GDPD4: variants seen among roughly 807,000 people sequenced by gnomAD.
GDPD4 encodes the protein glycerophosphodiester phosphodiesterase 6.
Under a neutral mutation model 67.8 loss-of-function variants are expected in GDPD4, and 60 were observed. That is an observed-to-expected ratio of 0.88 (90% CI 0.72 to 1.10). The LOEUF is 1.10. Ranked by LOEUF, GDPD4 falls within the 50% of genes least tolerant of loss-of-function variation. The probability of loss-of-function intolerance (pLI) is 0.00; values close to 1 mark genes in which losing one functional copy is unlikely to be tolerated. For missense variants in GDPD4, 623 were observed against 613.9 expected (o/e 1.01, Z -0.16); for synonymous variants, 212 against 210.9 (o/e 1.00, Z -0.04).
intron 3 of GDPD4, among the ~76,000 whole-genome samples, chr11:77,284,834 A>C (rs550940458): frequency 7.2e-5 from 11 of 152,340 alleles, no homozygotes; most frequent in African/African-American, 2.6e-4. Context: ...TGGAAGCATG[A>C]AAGCTTCCTA....
chr11:77,243,675 G>A lies in GDPD4; in HGVS notation c.1241+19C>T. 6.3e-7 allele frequency: 1 copy of A among 1,598,372 alleles called. No homozygotes were observed. ...AAGTAAGGCAATATGTGCCAAGAGA[G>A]GTGTGGTCAAACACTTACCTTAACC... On this transcript the variant is annotated intron_variant, in intron 13 of 16. Coordinates refer to ENST00000315938, the MANE Select transcript of GDPD4 (RefSeq NM_182833.3).
chr11:77,237,908 G>A (rs1958595269), intron 13 of GDPD4, among the ~76,000 whole-genome samples: 1 of 152,078 alleles, frequency 6.6e-6, no homozygotes, highest in Non-Finnish European at 1.5e-5. Flanking sequence ...GTGACAGAGT[G>A]AGACCCTATC....
At chr11:77,284,053 T>A (rs1335607929) in intron 3 of GDPD4, among the ~76,000 whole-genome samples, 2 of 152,210 alleles carry the variant, frequency 1.3e-5, no homozygotes, top group East Asian at 3.9e-4. Flanking sequence ...TAACAACGTT[T>A]ATTCTTCTTG....
rs758925038 is a variant in GDPD4, at chr11:77,279,339, A to G, written c.114T>C (p.Ala38=). 3 of 1,612,556 alleles carry G rather than the reference A, an allele frequency of 1.9e-6. No individual in the cohort carries two copies. The Admixed American group carries it at 5.0e-5, about 27-fold the overall frequency. The change falls in exon 4 of 17, where the codon GCT becomes GCC. Residue 38 remains alanine, a synonymous_variant. Coordinates refer to ENST00000315938, the MANE Select transcript of GDPD4 (RefSeq NM_182833.3). The stretch of plus-strand genomic sequence containing the variant: ...ATGAAGAGTAGGCAGTCAGGATCCT[A>G]GCTAAACTCAGAATAAAAATAGACC... The part of the protein sequence containing the change: ...FFWSIFILSL[A]RILTAYSSLL...
chr11:77,236,751 CA>C (rs1958577029), intron 13 of GDPD4, among the ~76,000 whole-genome samples: 1 of 151,968 alleles, frequency 6.6e-6, no homozygotes, highest in Non-Finnish European at 1.5e-5. Context: ...CACACACACA[CA>C]AATCAACAAT....
At chr11:77,236,365 G>A (rs1416332745) in intron 13 of GDPD4, among the ~76,000 whole-genome samples, 1 of 151,984 alleles carries the variant, frequency 6.6e-6, no homozygotes, top group Non-Finnish European at 1.5e-5. Flanking sequence ...CCTGGTGTGT[G>A]ATGTTCCCCA....
intron 13 of GDPD4, among the ~76,000 whole-genome samples, chr11:77,242,576 A>G (rs1395664276): frequency 1.3e-5 from 2 of 152,184 alleles, no homozygotes; most frequent in Non-Finnish European, 1.5e-5. Context: ...TAGCAAACAT[A>G]TAACTTGACA....
rs566636451 is a variant in GDPD4 at position 77,228,031 on chromosome 11, A to G, written c.1473-115T>C. 7 of 771,070 alleles carry G rather than the reference A, an allele frequency of 9.1e-6. No individual in the cohort carries two copies. The East Asian group carries it at 1.5e-4, about 16-fold the overall frequency. The allele number at this position is 771,070 out of a possible 1,614,324, so 47.8% of individuals were successfully genotyped here. A position where few individuals can be genotyped will look rare whatever the true frequency, so the allele number is the denominator to read the frequency against. ...TCCATCTTGAAACTTACAATCCTAT[A>G]GCATTTGCCTGCAAGGATTCCCAAA... On this transcript the variant is annotated intron_variant, in intron 15 of 16. Coordinates refer to ENST00000315938, the MANE Select transcript of GDPD4 (RefSeq NM_182833.3).
At chr11:77,224,543 A>T (rs1445321602) in intron 16 of GDPD4, among the ~76,000 whole-genome samples, 5 of 152,166 alleles carry the variant, frequency 3.3e-5, no homozygotes, top group Non-Finnish European at 7.3e-5. Context: ...CTTGAGGGTC[A>T]CCTCTAGGAG....
chr11:77,276,095 A>G, intron 5 of GDPD4, 66 bp downstream of exon 5: 1 of 1,119,538 alleles, frequency 8.9e-7, no homozygotes, highest in Non-Finnish European at 1.4e-6. Context: ...ACCAAGGAGC[A>G]TGTTCAGGCC....
At chr11:77,236,740 A>G (rs1565513675) in intron 13 of GDPD4, among the ~76,000 whole-genome samples, 1 of 152,220 alleles carries the variant, frequency 6.6e-6, no homozygotes, top group East Asian at 1.9e-4. Flanking sequence ...ACACACACAC[A>G]CACACACACA....
chr11:77,279,063 C>A (rs972528766), intron 4 of GDPD4, among the ~76,000 whole-genome samples: 14 of 152,316 alleles, frequency 9.2e-5, no homozygotes, highest in African/African-American at 2.6e-4. Flanking sequence ...TGTTGTTACA[C>A]TTTCAAAGGG....
intron 3 of GDPD4, among the ~76,000 whole-genome samples, chr11:77,282,919 T>A (rs1959826671): frequency 6.6e-6 from 1 of 151,988 alleles, no homozygotes; most frequent in African/African-American, 2.4e-5. Flanking sequence ...GTTAAAAAAA[T>A]AAAGGATGGA....
At chr11:77,221,873 CTT>C (rs56701556) in intron 16 of GDPD4, among the ~76,000 whole-genome samples, 35 of 81,202 alleles carry the variant, frequency 4.3e-4, no homozygotes, top group Non-Finnish European at 7.5e-4. Context: ...GTCTAAGTCT[CTT>C]TGTAGGTCAC....
chr11:77,258,516 T>C lies in GDPD4; in HGVS notation c.734A>G (p.His245Arg), dbSNP rs770280041. Reference protein sequence around the residue: ...LSYDHVPFLMHDFDLKRTTNI... With the variant: ...LSYDHVPFLMRDFDLKRTTNI... ...GGTTGTTCTTTTCAGGTCAAAGTCATGCATGAGGAAAGGCACATGATCATA... is the reference window on the plus strand; with the variant it reads ...GGTTGTTCTTTTCAGGTCAAAGTCACGCATGAGGAAAGGCACATGATCATA... The change falls in exon 11 of 17, where the codon CAT becomes CGT. Residue 245 changes from histidine to arginine, a missense_variant. His to Arg is a conservative substitution (Grantham distance 29). Coordinates refer to ENST00000315938, the MANE Select transcript of GDPD4 (RefSeq NM_182833.3). 2.3e-5 allele frequency: 37 copies of C among 1,613,804 alleles called. No individual in the cohort carries two copies. The South Asian group carries it at 2.4e-4, about 11-fold the overall frequency.
intron 4 of GDPD4, among the ~76,000 whole-genome samples, chr11:77,278,898 G>A (rs902940727): frequency 6.6e-6 from 1 of 152,200 alleles, no homozygotes; most frequent in African/African-American, 2.4e-5. Context: ...AATTTAACAA[G>A]TAAGCAAATT....
intron 1 of GDPD4, among the ~76,000 whole-genome samples, chr11:77,298,075 C>A (rs758480169): frequency 1.3e-5 from 2 of 151,566 alleles, no homozygotes; most frequent in Admixed American, 6.6e-5. Context: ...TAAAGACTAC[C>A]TACAGTTTTT....
chr11:77,249,535 A>G (rs1342837164), intron 11 of GDPD4, among the ~76,000 whole-genome samples: 1 of 152,204 alleles, frequency 6.6e-6, no homozygotes, highest in Non-Finnish European at 1.5e-5. Context: ...CTCTTATTGG[A>G]TCTGTAATAG....
chr11:77,245,185 G>C, intron 12 of GDPD4, 96 bp downstream of exon 12: 1 of 832,516 alleles, frequency 1.2e-6, no homozygotes, highest in East Asian at 2.4e-5. Context: ...AAGGATCCCA[G>C]GGTAGATGTA....
Sources: allele counts gnomAD v4.1 joint callset (sites outside exome capture counted in the v4.1 genomes callset), GRCh38; gene constraint gnomAD v4.1.1; transcripts MANE v1.5; gene names NCBI Gene and HGNC (gene_info 2026-07-23, HGNC 2026-07-21).